Variants in AHCYL2 observed in about 807,000 individuals in gnomAD.
AHCYL2 encodes adenosylhomocysteinase like 2.
In AHCYL2, 28 loss-of-function variants were observed where a neutral mutation model predicts 81.4. That is an observed-to-expected ratio of 0.34 (90% CI 0.25 to 0.47). AHCYL2 has a LOEUF of 0.47. AHCYL2 is among the 20% of genes least tolerant of loss of function. The pLI is 1.00. For synonymous variants in AHCYL2, 272 were observed against 290.2 expected, an observed-to-expected ratio of 0.94 and a Z score of 0.64; for missense variants, 551 against 785.1, an observed-to-expected ratio of 0.70 and a Z score of 3.56.
At chr7:129,334,280 C>T (rs535394522) in intron 1 of AHCYL2, among the ~76,000 whole-genome samples, 1 of 152,302 alleles carries the variant, frequency 6.6e-6, no homozygotes, top group South Asian at 2.1e-4. Context: ...GGCTGCCTAA[C>T]TTCAAAGTTA....
intron 1 of AHCYL2, 24 bp from the exon 2 acceptor site, chr7:129,379,614 T>C (rs201308553): frequency 2.4e-4 from 379 of 1,588,532 alleles, no homozygotes; most frequent in Admixed American, 4.7e-4. Flanking sequence ...TTTTTCTTTA[T>C]ATAACTAGGT....
intron 12 of AHCYL2, among the ~76,000 whole-genome samples, chr7:129,418,207 CTT>C (rs1409521168): frequency 6.6e-6 from 1 of 152,094 alleles, no homozygotes; most frequent in African/African-American, 2.4e-5. Flanking sequence ...ATGTTAAGGA[CTT>C]TAGATTTTAT....
chr7:129,354,803 T>A (rs1332030601), intron 1 of AHCYL2, among the ~76,000 whole-genome samples: 1 of 152,186 alleles, frequency 6.6e-6, no homozygotes, highest in African/African-American at 2.4e-5. Context: ...TTGAAGTGAT[T>A]TATGGACCTC....
intron 1 of AHCYL2, among the ~76,000 whole-genome samples, chr7:129,295,544 G>A (rs2150755581): frequency 6.6e-6 from 1 of 152,204 alleles, no homozygotes; most frequent in Middle Eastern, 3.4e-3. Context: ...TCATTATTTG[G>A]TATTTCTCCA....
At chr7:129,240,357 C>T (rs1584693169) in intron 1 of AHCYL2, among the ~76,000 whole-genome samples, 1 of 151,988 alleles carries the variant, frequency 6.6e-6, no homozygotes, top group Non-Finnish European at 1.5e-5. Context: ...AATACATACA[C>T]AGACACACAC....
At chr7:129,278,507 T>A (rs1227706228) in intron 1 of AHCYL2, among the ~76,000 whole-genome samples, 1 of 152,242 alleles carries the variant, frequency 6.6e-6, no homozygotes, top group East Asian at 1.9e-4. Flanking sequence ...AGTCTGTGGC[T>A]TATTTTTTTT....
chr7:129,426,534 G>C lies in AHCYL2; in HGVS notation c.1800G>C (p.Lys600Asn), dbSNP rs777973987. Residue 600 changes from lysine (K) to asparagine (N), a missense_variant, in exon 16 of 17, where the codon AAG (lysine) becomes AAC (asparagine). Lys to Asn is a moderately conservative substitution (Grantham distance 94). This residue lies in a region of AHCYL2 where 316 missense variants were observed against 543.1 expected (regional missense o/e 0.58). Coordinates refer to ENST00000325006, the MANE Select transcript of AHCYL2 (RefSeq NM_015328.4). The surrounding 1 kb of genome is among the most constrained non-coding windows in gnomAD (Gnocchi z 4.3). ...DEQAKYLGLN[K>N]NGPFKPNYYR... ...AGGCCAAGTATCTGGGACTCAACAA[G>C]AATGGGCCCTTCAAGCCTAATTACT... is the stretch of plus-strand genomic sequence containing the variant. 1 of 1,614,026 alleles carries C rather than the reference G, an allele frequency of 6.2e-7. No individual in the cohort carries two copies. Among genetic ancestry groups the C allele is most frequent in the Non-Finnish European group, 8.5e-7 (1 of 1,179,954 alleles).
chr7:129,375,958 C>G, intron 1 of AHCYL2: 1 of 1,535,854 alleles, frequency 6.5e-7, no homozygotes, highest in Non-Finnish European at 8.7e-7. Flanking sequence ...CCAGTCTTGC[C>G]GCTGCTATAG....
chr7:129,342,846 T>G (rs765643932), intron 1 of AHCYL2, among the ~76,000 whole-genome samples: 1 of 152,216 alleles, frequency 6.6e-6, no homozygotes, highest in African/African-American at 2.4e-5. Context: ...ATTTGGCATA[T>G]ATGTATATAA....
In AHCYL2 at chr7:129,346,204, C is replaced by T. The variant is rs111942895; in HGVS notation, c.364-33434C>T. Among the ~76,000 whole-genome samples the T allele has an allele frequency of 5.9e-3, 894 of 151,980 alleles. 11 individuals carry two copies. The highest frequency in any genetic ancestry group is 0.021 in the African/African-American group (861 of 41,456). On this transcript the variant is annotated intron_variant, in intron 1 of 16. Coordinates refer to ENST00000325006, the MANE Select transcript of AHCYL2 (RefSeq NM_015328.4). ...TTGTGTCTCCTTTTTCAAATAAATC[C>T]TAGGAAATACAACATGGAATGATGG...
chr7:129,354,716 T>G (rs1793679517), intron 1 of AHCYL2, among the ~76,000 whole-genome samples: 1 of 152,238 alleles, frequency 6.6e-6, no homozygotes, highest in Non-Finnish European at 1.5e-5. Context: ...TTCCACTTTC[T>G]CTGTCACTGC....
At chr7:129,306,292 T>C (rs1797441043) in intron 1 of AHCYL2, among the ~76,000 whole-genome samples, 1 of 152,176 alleles carries the variant, frequency 6.6e-6, no homozygotes, top group Non-Finnish European at 1.5e-5. Context: ...CTTTTTTCTT[T>C]TGTCTCCTCT....
intron 1 of AHCYL2, among the ~76,000 whole-genome samples, chr7:129,355,313 G>A (rs559222171): frequency 1.4e-4 from 21 of 152,328 alleles, no homozygotes; most frequent in African/African-American, 4.8e-4. Context: ...AGGCTGTGAT[G>A]TGTGTTACTG....
chr7:129,255,084 A>G (rs1015601715), intron 1 of AHCYL2, among the ~76,000 whole-genome samples: 7 of 151,796 alleles, frequency 4.6e-5, no homozygotes, highest in Non-Finnish European at 7.4e-5. Context: ...AACATGGTGA[A>G]CCCCCGTCTC....
chr7:129,376,767 G>A (rs140802353), intron 1 of AHCYL2, among the ~76,000 whole-genome samples: 8 of 152,124 alleles, frequency 5.3e-5, no homozygotes, highest in Non-Finnish European at 8.8e-5. Flanking sequence ...TCTGAAACAC[G>A]GTTTATCTAT....
At chr7:129,229,088 A>G (rs1414765803) in intron 1 of AHCYL2, among the ~76,000 whole-genome samples, 2 of 146,704 alleles carry the variant, frequency 1.4e-5, no homozygotes, top group Non-Finnish European at 3.0e-5. Context: ...TTTTTTTGAG[A>G]CAGAGTTTTA....
chr7:129,243,018 CTTTTTTTTTT>C (rs769701638), intron 1 of AHCYL2, among the ~76,000 whole-genome samples: 2 of 125,592 alleles, frequency 1.6e-5, no homozygotes, highest in African/African-American at 3.0e-5. Flanking sequence ...TATTGTTTCT[CTTTTTTTTTT>C]TTTTTTTTTT....
At chr7:129,374,667 C>T (rs972864365) in intron 1 of AHCYL2, among the ~76,000 whole-genome samples, 48 of 151,992 alleles carry the variant, frequency 3.2e-4, no homozygotes, top group African/African-American at 9.6e-4. Flanking sequence ...AATTAGCCCG[C>T]GTGGTGGCAC....
chr7:129,349,405 G>A (rs1380971471), intron 1 of AHCYL2, among the ~76,000 whole-genome samples: 1 of 145,792 alleles, frequency 6.9e-6, no homozygotes, highest in Non-Finnish European at 1.5e-5. Flanking sequence ...AGGCTGAGGC[G>A]AGAGAATCAC....
Sources: gnomAD v4.1 joint callset for allele counts (sites outside exome capture counted in the v4.1 genomes callset) on GRCh38, gnomAD v4.1.1 for gene constraint, gnomAD v4.1.1 regional missense constraint, Gnocchi (gnomAD v3.1) non-coding constraint, MANE v1.5 for transcripts, NCBI Gene and HGNC (gene_info 2026-07-23, HGNC 2026-07-21) for gene names.